The following RALYL variants were observed in gnomAD, a reference collection of about 807,000 sequenced individuals.
The protein encoded by RALYL is RNA-binding Raly-like protein.
Under a neutral mutation model 35.1 loss-of-function variants are expected in RALYL, and 29 were observed. The ratio of observed to expected loss-of-function variants is 0.83; its 90% CI spans 0.61 to 1.13. The LOEUF (loss-of-function observed/expected upper bound fraction) is 1.13, where lower values mean the gene tolerates loss of function less well. RALYL is among the 50% of genes most tolerant of loss of function. RALYL has a pLI of 0.00. For missense variants in RALYL, 359 were observed against 360.4 expected (o/e 1.00, Z 0.03); for synonymous variants, 120 against 127.6 (o/e 0.94, Z 0.40).
At chr8:84,536,280 G>A (rs759221431) in intron 2 of RALYL, among the ~76,000 whole-genome samples, 14 of 152,120 alleles carry the variant, frequency 9.2e-5, no homozygotes, top group South Asian at 2.1e-4. Context: ...AAAATACGGA[G>A]TACCAAGATT....
intron 1 of RALYL, among the ~76,000 whole-genome samples, chr8:84,525,781 A>G (rs1423963239): frequency 3.9e-5 from 6 of 152,022 alleles, no homozygotes; most frequent in Admixed American, 1.3e-4. Context: ...AGTTTTAGAT[A>G]TTACAGTTTT....
intron 1 of RALYL, among the ~76,000 whole-genome samples, chr8:84,226,561 G>A (rs1823925733): frequency 6.6e-6 from 1 of 151,914 alleles, no homozygotes; most frequent in African/African-American, 2.4e-5. Context: ...GAGTAGCTGG[G>A]ATTACAGTGT....
rs187898625 is a variant in RALYL, at chr8:84,854,212, G to A, written c.413+4185G>A. Among the ~76,000 whole-genome samples, 590 of 152,120 alleles carry A rather than the reference G, an allele frequency of 3.9e-3. 5 individuals carry two copies. The highest frequency in any genetic ancestry group is 4.4e-3 in the Non-Finnish European group (297 of 67,992). On this transcript the variant is annotated intron_variant, in intron 5 of 8. Transcript: ENST00000521268. ...AATACAAAAATTAGCCAGGTCTGGT[G>A]GTGGGCGCCTGTAATACCAGCTACT...
At chr8:84,700,290 T>G (rs1022504411) in intron 2 of RALYL, among the ~76,000 whole-genome samples, 1 of 152,160 alleles carries the variant, frequency 6.6e-6, no homozygotes, top group Non-Finnish European at 1.5e-5. Flanking sequence ...ACATTTTAAC[T>G]GTTTAATACA....
At chr8:84,343,519 A>G (rs1186739123) in intron 1 of RALYL, among the ~76,000 whole-genome samples, 1 of 152,140 alleles carries the variant, frequency 6.6e-6, no homozygotes. Flanking sequence ...GAATTAAGTA[A>G]TTCTACCCCT....
At chr8:84,264,600 CTTTAG>C (rs1336871691) in intron 1 of RALYL, among the ~76,000 whole-genome samples, 1 of 151,824 alleles carries the variant, frequency 6.6e-6, no homozygotes, top group Admixed American at 6.6e-5. Context: ...TGCAGAAGCT[CTTTAG>C]TTTAATTAGA....
intron 1 of RALYL, among the ~76,000 whole-genome samples, chr8:84,336,294 A>T (rs1847790719): frequency 6.6e-6 from 1 of 152,156 alleles, no homozygotes; most frequent in Non-Finnish European, 1.5e-5. Flanking sequence ...ACTTCTAGAA[A>T]ATGTGCAAAA....
intron 2 of RALYL, among the ~76,000 whole-genome samples, chr8:84,564,794 CCTTA>C (rs544315770): frequency 4.2e-4 from 64 of 151,526 alleles, no homozygotes; most frequent in Non-Finnish European, 7.1e-4. Flanking sequence ...AGTTTAATTA[CCTTA>C]CTTAGCAATA....
At chr8:84,704,705 C>G (rs1318474445) in intron 2 of RALYL, among the ~76,000 whole-genome samples, 2 of 152,012 alleles carry the variant, frequency 1.3e-5, no homozygotes, top group African/African-American at 4.8e-5. Flanking sequence ...ACAGTCTTAC[C>G]AAAGAGTTTA....
At chr8:84,905,611 T>A (rs1395103548) in intron 8 of RALYL, among the ~76,000 whole-genome samples, 2 of 152,132 alleles carry the variant, frequency 1.3e-5, no homozygotes, top group Non-Finnish European at 2.9e-5. Context: ...AGTAATTCTC[T>A]TTATCCTATT....
At chr8:84,290,694 G>A (rs1025562388) in intron 1 of RALYL, among the ~76,000 whole-genome samples, 7 of 152,110 alleles carry the variant, frequency 4.6e-5, no homozygotes, top group Non-Finnish European at 1.0e-4. Context: ...AGGCCATCTG[G>A]GCGTATACCT....
intron 1 of RALYL, among the ~76,000 whole-genome samples, chr8:84,230,049 C>G (rs559336467): frequency 6.6e-6 from 1 of 151,952 alleles, no homozygotes; most frequent in South Asian, 2.1e-4. Context: ...ACATAAATAA[C>G]AAATAAATGA....
intron 1 of RALYL, among the ~76,000 whole-genome samples, chr8:84,253,502 G>A (rs1170574425): frequency 2.0e-5 from 3 of 151,522 alleles, no homozygotes; most frequent in African/African-American, 7.3e-5. Context: ...ACCTGGCCCT[G>A]TAGTCTCATT....
At chr8:84,825,049 G>A (rs1013509111) in intron 4 of RALYL, among the ~76,000 whole-genome samples, 1 of 152,018 alleles carries the variant, frequency 6.6e-6, no homozygotes, top group Non-Finnish European at 1.5e-5. Context: ...AAACTATCAA[G>A]GAAGTAAACA....
intron 2 of RALYL, among the ~76,000 whole-genome samples, chr8:84,584,460 A>G (rs1588340180): frequency 6.6e-6 from 1 of 152,186 alleles, no homozygotes; most frequent in East Asian, 1.9e-4. Context: ...AAAATTAGCC[A>G]GGCATGGTGG....
chr8:84,893,819 A>G (rs1844286598), intron 8 of RALYL, among the ~76,000 whole-genome samples: 1 of 152,218 alleles, frequency 6.6e-6, no homozygotes, highest in African/African-American at 2.4e-5. Context: ...AGTTCTTTTG[A>G]ATTCTACTTA....
Position 84,220,579 on chromosome 8 carries a change from G to T in RALYL, c.-24+36155G>T, listed in dbSNP as rs61393219. ...GAAAAAACATAACCAATTTCCAAAT[G>T]TCTTCCTGATTTTTACATCAGAACA... On this transcript the variant is annotated intron_variant, in intron 1 of 8. Transcript: ENST00000521268. Among the ~76,000 whole-genome samples, 328 of 152,002 alleles carry T rather than the reference G, an allele frequency of 2.2e-3. 2 individuals carry two copies. Among genetic ancestry groups the T allele is most frequent in the African/African-American group, 7.3e-3 (305 of 41,514 alleles).
chr8:84,830,246 T>A (rs1017058873), intron 4 of RALYL, among the ~76,000 whole-genome samples: 2 of 151,924 alleles, frequency 1.3e-5, no homozygotes, highest in African/African-American at 4.8e-5. Flanking sequence ...AATTAGGAGG[T>A]CACAAACAAA....
chr8:84,410,709 CAAAA>C lies in RALYL; in HGVS notation c.-23-118586_-23-118583del, dbSNP rs1201528604. ...TGAGCATTTTGTAGATTAAATAAAA[CAAAA>C]AAAGATTTAATACGAAACATTTTCT... On this transcript the variant is annotated intron_variant, in intron 1 of 8. Coordinates refer to ENST00000521268, the MANE Select transcript of RALYL (RefSeq NM_173848.7). Among the ~76,000 whole-genome samples, 3 of 151,270 alleles carry C rather than the reference CAAAA, an allele frequency of 2.0e-5. No homozygotes were observed. In the East Asian group the frequency reaches 5.8e-4, roughly 29 times the overall value.
Sources: gnomAD v4.1 joint callset for allele counts (sites outside exome capture counted in the v4.1 genomes callset) on GRCh38, gnomAD v4.1.1 for gene constraint, MANE v1.5 for transcripts, NCBI Gene and HGNC (gene_info 2026-07-23, HGNC 2026-07-21) for gene names.